AP4E1: variants seen among roughly 807,000 people sequenced by gnomAD.
The protein encoded by AP4E1 is adaptor related protein complex 4 subunit epsilon 1.
A neutral mutation model predicts 128.2 loss-of-function variants in AP4E1; 56 were observed. The ratio of observed to expected loss-of-function variants is 0.44; its 90% CI spans 0.35 to 0.55. The LOEUF is 0.55. Among genes scored for constraint, AP4E1 ranks in the 20% least tolerant of loss-of-function variants. AP4E1 has a pLI of 0.00. For synonymous variants in AP4E1, 484 were observed against 473.1 expected, an observed-to-expected ratio of 1.02 and a Z score of -0.30; for missense variants, 1,324 against 1,307.7, an observed-to-expected ratio of 1.01 and a Z score of -0.19.
chr15:50,992,632 C>T (rs1041419592), intron 16 of AP4E1, among the ~76,000 whole-genome samples: 1 of 152,098 alleles, frequency 6.6e-6, no homozygotes, highest in Non-Finnish European at 1.5e-5. Context: ...ACACCTGGCT[C>T]CTAAACAATA....
At chr15:50,945,360 A>G in intron 10 of AP4E1, 1 of 779,802 alleles carries the variant, frequency 1.3e-6, no homozygotes. Flanking sequence ...CTCCTTTGAA[A>G]AAGGTTATAT....
At chr15:50,928,922 A>G in intron 5 of AP4E1, 87 bp from the exon 6 acceptor site, 2 of 1,285,412 alleles carry the variant, frequency 1.6e-6, no homozygotes. Flanking sequence ...ATGAGCCAGT[A>G]TTTTGAAATC....
chr15:50,997,245 A>C, intron 17 of AP4E1, 81 bp from the exon 18 acceptor site: 1 of 1,264,180 alleles, frequency 7.9e-7, no homozygotes, highest in South Asian at 1.7e-5. Context: ...TATATTGCTG[A>C]TTTGAAATTA....
chr15:50,912,416 T>C (rs1217068582), intron 2 of AP4E1, among the ~76,000 whole-genome samples: 2 of 152,252 alleles, frequency 1.3e-5, no homozygotes, highest in African/African-American at 4.8e-5. Context: ...AGTGCTGATC[T>C]GATGTTTTTA....
chr15:50,981,871 A>C (rs1276112141), intron 15 of AP4E1, among the ~76,000 whole-genome samples: 1 of 152,110 alleles, frequency 6.6e-6, no homozygotes, highest in East Asian at 1.9e-4. Flanking sequence ...GGATCACCTG[A>C]GGTTGAGGGT....
chr15:50,909,954 G>T (rs959875733), intron 1 of AP4E1, among the ~76,000 whole-genome samples: 13 of 150,008 alleles, frequency 8.7e-5, no homozygotes, highest in Admixed American at 1.3e-4. Flanking sequence ...CAAAGTGTTG[G>T]GATTACGTGC....
rs1296429612 is a variant in AP4E1, at chr15:50,908,730, G to A, written c.-49G>A. The A allele has an allele frequency of 1.4e-6, 2 of 1,478,546 alleles. No individual in the cohort carries two copies. Among genetic ancestry groups the A allele is most frequent in the Non-Finnish European group, 1.8e-6 (2 of 1,115,848 alleles). The allele number at this position is 1,478,546 out of a possible 1,614,324, so 91.6% of individuals were successfully genotyped here. On this transcript the variant is annotated 5_prime_UTR_variant, in exon 1 of 21. Coordinates refer to ENST00000261842, the MANE Select transcript of AP4E1 (RefSeq NM_007347.5). ...GCAGCGGCGGCCGGGCATGAAGCCGGGCGGCTACGGGATCGCGGGCGGCGG... is the reference window on the plus strand; with the variant it reads ...GCAGCGGCGGCCGGGCATGAAGCCGAGCGGCTACGGGATCGCGGGCGGCGG...
At chr15:50,912,874 G>A (rs1215250306) in intron 2 of AP4E1, among the ~76,000 whole-genome samples, 5 of 152,078 alleles carry the variant, frequency 3.3e-5, no homozygotes, top group Admixed American at 3.3e-4. Flanking sequence ...ATGTTGACCA[G>A]GCTAGTATCG....
In AP4E1 at chr15:50,945,755, C is replaced by T; in HGVS notation, c.1177-2265C>T. 2.0e-5 allele frequency: 15 copies of T among 766,386 alleles called. No individual in the cohort carries two copies. In the South Asian group the frequency reaches 2.1e-4, roughly 11 times the overall value. The allele number at this position is 766,386 out of a possible 1,614,324, so 47.5% of individuals were successfully genotyped here. A position where few individuals can be genotyped will look rare whatever the true frequency, so the allele number is the denominator to read the frequency against. ...TCTGAAAAATTTGGTGTGCTTACAT[C>T]ATGAGAAAAAGCAGCTAAGGATTAT... On this transcript the variant is annotated intron_variant, in intron 10 of 20. Coordinates refer to ENST00000261842, the MANE Select transcript of AP4E1 (RefSeq NM_007347.5).
At chr15:50,910,456 A>C (rs1251479535) in intron 1 of AP4E1, among the ~76,000 whole-genome samples, 1 of 152,272 alleles carries the variant, frequency 6.6e-6, no homozygotes. Context: ...CCCTTTTCCC[A>C]AGGAATTAGT....
chr15:50,930,543 T>G (rs1467938308), intron 6 of AP4E1, among the ~76,000 whole-genome samples: 2 of 151,978 alleles, frequency 1.3e-5, no homozygotes, highest in African/African-American at 4.8e-5. Flanking sequence ...CTACCTAAGA[T>G]ATAAGAATTT....
chr15:50,979,258 C>T (rs1365504940), intron 15 of AP4E1, among the ~76,000 whole-genome samples: 1 of 151,866 alleles, frequency 6.6e-6, no homozygotes, highest in African/African-American at 2.4e-5. Context: ...TGTCAAAACC[C>T]GTATTTAAAT....
chr15:50,961,783 G>T (rs1477234038), intron 14 of AP4E1, among the ~76,000 whole-genome samples: 1 of 151,860 alleles, frequency 6.6e-6, no homozygotes. Context: ...GAAATAAAGG[G>T]ATCTAAACTG....
chr15:51,002,067 G>C (rs950554574), intron 20 of AP4E1, among the ~76,000 whole-genome samples: 5 of 152,122 alleles, frequency 3.3e-5, no homozygotes, highest in African/African-American at 1.2e-4. Flanking sequence ...TTTTAGTAGA[G>C]ATGGGGTTTC....
rs1006880090 is a variant in AP4E1 at position 50,997,350 on chromosome 15, C to T, written c.2371C>T (p.His791Tyr). 1.9e-6 allele frequency: 3 copies of T among 1,601,348 alleles called. No homozygotes were observed. The highest frequency in any genetic ancestry group is 1.7e-6 in the Non-Finnish European group (2 of 1,176,912). Residue 791 changes from histidine to tyrosine, a missense_variant, in exon 18 of 21, where the codon CAC becomes TAC. By Grantham distance (83) the His-to-Tyr change is moderately conservative. Coordinates refer to ENST00000261842, the MANE Select transcript of AP4E1 (RefSeq NM_007347.5). ...GCTGGGAAAAGCAGATACTGTCTCT[C>T]ACAAGTTCAGAAGGAAATCAAAAGT... The part of the protein sequence containing the change: ...NLLGKADTVS[H>Y]KFRRKSKVKE...
At chr15:50,958,894 C>T in intron 14 of AP4E1, 100 bp downstream of exon 14, 1 of 1,276,666 alleles carries the variant, frequency 7.8e-7, no homozygotes, top group South Asian at 1.2e-5. Context: ...AATGTGGTTT[C>T]TGTAGCATTT....
chr15:50,913,115 A>G (rs1049423734), intron 2 of AP4E1, among the ~76,000 whole-genome samples: 1 of 152,188 alleles, frequency 6.6e-6, no homozygotes, highest in African/African-American at 2.4e-5. Flanking sequence ...TAAGCACATG[A>G]TTGTGAATTT....
In AP4E1 at chr15:50,912,009, G is replaced by A. The variant is rs187245477; in HGVS notation, c.151-69G>A. On this transcript the variant is annotated intron_variant, in intron 1 of 20. Coordinates refer to ENST00000261842, the MANE Select transcript of AP4E1 (RefSeq NM_007347.5). ...AAAGTATTGTAAATTATATTTTTCC[G>A]TTTAGATAAATGCTGTTACAGTTTT... is the stretch of plus-strand genomic sequence containing the variant. 148 of 1,193,368 alleles carry A rather than the reference G, an allele frequency of 1.2e-4. 1 individual carries two copies. The highest frequency in any genetic ancestry group is 9.1e-4 in the Admixed American group (52 of 56,898). The allele number at this position is 1,193,368 out of a possible 1,614,324, so 73.9% of individuals were successfully genotyped here. A position where few individuals can be genotyped will look rare whatever the true frequency, so the allele number is the denominator to read the frequency against.
intron 13 of AP4E1, among the ~76,000 whole-genome samples, chr15:50,952,301 G>A (rs539383809): frequency 4.6e-5 from 7 of 152,032 alleles, no homozygotes; most frequent in African/African-American, 1.7e-4. Context: ...ACGAGGTCAG[G>A]AGATCGAGAC....
Sources: gnomAD v4.1 joint callset for allele counts (sites outside exome capture counted in the v4.1 genomes callset) on GRCh38, gnomAD v4.1.1 for gene constraint, MANE v1.5 for transcripts, NCBI Gene and HGNC (gene_info 2026-07-23, HGNC 2026-07-21) for gene names.